Variants in SMPD4 observed in about 807,000 individuals in gnomAD.
The protein encoded by SMPD4 is neutral sphingomyelinase 3.
A neutral mutation model predicts 97.8 loss-of-function variants in SMPD4; 58 were observed. The observed-to-expected ratio is 0.59, with a 90% CI of 0.48 to 0.74. The LOEUF (loss-of-function observed/expected upper bound fraction) is 0.74. Ranked by LOEUF, SMPD4 falls within the 30% of genes least tolerant of loss-of-function variation. The pLI, the probability that SMPD4 is intolerant of heterozygous loss-of-function variation, is 0.00. For synonymous variants in SMPD4, 388 were observed against 450.0 expected (o/e 0.86, Z 1.74); for missense variants, 853 against 1,080.5 (o/e 0.79, Z 2.95).
Position 130,154,518 on chromosome 2 carries a change from C to T in SMPD4, c.1454-36G>A, listed in dbSNP as rs373006487. 1.7e-5 allele frequency: 26 copies of T among 1,551,026 alleles called. No homozygotes were observed. The African/African-American group carries it at 2.1e-4, about 12-fold the overall frequency. On this transcript the variant is annotated intron_variant, in intron 15 of 19. Transcript: ENST00000680298. ...GGAGACGAACCTGGCACCCACTTCC[C>T]GGAGGCAGAGTACCCGACTGCTGCC...
intron 1 of SMPD4, among the ~76,000 whole-genome samples, chr2:130,179,122 CTT>C (rs772317420): frequency 2.8e-4 from 38 of 133,792 alleles, no homozygotes; most frequent in African/African-American, 4.7e-4. Flanking sequence ...TTTTTCAATT[CTT>C]TTTTTTTTTT....
At chr2:130,175,502 T>A (rs1304428496) in intron 2 of SMPD4, among the ~76,000 whole-genome samples, 2 of 152,056 alleles carry the variant, frequency 1.3e-5, no homozygotes, top group African/African-American at 4.8e-5. Flanking sequence ...AGCTGTCCTT[T>A]ATTCGGTAGA....
rs1688982188 is a variant in SMPD4, at chr2:130,176,403, C to T, written c.39+151G>A. Reference sequence around the variant, plus strand: ...AAGGTCCTGTAGTAATAAGGAGGCACAGTCAAGTTAAGGAGTCTGCCATTG... The same window carrying T: ...AAGGTCCTGTAGTAATAAGGAGGCATAGTCAAGTTAAGGAGTCTGCCATTG... On this transcript the variant is annotated intron_variant, in intron 2 of 19. Coordinates refer to ENST00000680298, the MANE Select transcript of SMPD4 (RefSeq NM_017951.5). 3 of 586,516 alleles carry T rather than the reference C, an allele frequency of 5.1e-6. No individual in the cohort carries two copies. In the South Asian group the frequency reaches 7.7e-5, roughly 15 times the overall value. 36.3% of individuals were successfully genotyped at this position (586,516 alleles called of 1,614,324 possible). A position where few individuals can be genotyped will look rare whatever the true frequency, so the allele number is the denominator to read the frequency against.
Position 130,152,378 on chromosome 2 carries a change from C to A in SMPD4, c.*177G>T. The A allele has an allele frequency of 2.9e-6, 2 of 693,654 alleles. No homozygotes were observed. Among genetic ancestry groups the A allele is most frequent in the South Asian group, 3.9e-5 (2 of 50,696 alleles). 43.0% of individuals were successfully genotyped at this position (693,654 alleles called of 1,614,324 possible). On this transcript the variant is annotated 3_prime_UTR_variant, in exon 20 of 20. Transcript: ENST00000680298. ...GCAGCTACTCCTTTGCTGGGGCCCA[C>A]CTGCCTTCCTTTCTTGGTTGCGTTT...
At chr2:130,169,722 AT>A (rs934217943) in intron 8 of SMPD4, among the ~76,000 whole-genome samples, 66 of 149,626 alleles carry the variant, frequency 4.4e-4, no homozygotes, top group South Asian at 1.1e-3. Flanking sequence ...TACTTGGCTA[AT>A]TTTTTTTTTG....
chr2:130,170,980 G>A (rs1010170828), intron 8 of SMPD4, among the ~76,000 whole-genome samples: 6 of 151,866 alleles, frequency 4.0e-5, no homozygotes, highest in African/African-American at 1.5e-4. Flanking sequence ...AGAATCACTT[G>A]AACCCAGGAG....
rs1352115344 is a variant in SMPD4 at position 130,152,620 on chromosome 2, C to T, written c.2419G>A (p.Gly807Ser). 2 of 1,554,530 alleles carry T rather than the reference C, an allele frequency of 1.3e-6. No homozygotes were observed. The highest frequency in any genetic ancestry group is 2.4e-5 in the East Asian group (1 of 41,348). Residue 807 changes from glycine to serine, a missense_variant, in exon 20 of 20, where the codon GGC becomes AGC. Gly to Ser is a moderately conservative substitution (Grantham distance 56). Transcript: ENST00000680298. Reference sequence around the variant, plus strand: ...ATGGCAGAGGCGTAGAGGACATAGCCCAGGGTGAGCAGCAGCGTGCATGGG... The same window carrying T: ...ATGGCAGAGGCGTAGAGGACATAGCTCAGGGTGAGCAGCAGCGTGCATGGG... Reference protein sequence around the residue: ...PLPCTLLLTLGYVLYASAMTL... With the variant: ...PLPCTLLLTLSYVLYASAMTL...
In SMPD4 at chr2:130,152,799, G is replaced by C; in HGVS notation, c.2240C>G (p.Ala747Gly). 1 of 1,609,818 alleles carries C rather than the reference G, an allele frequency of 6.2e-7. No homozygotes were observed. Among genetic ancestry groups the C allele is most frequent in the South Asian group, 1.1e-5 (1 of 90,800 alleles). The part of the protein sequence containing the change: ...CRYHLTEPGL[A>G]SRHLLSPVGR... Reference sequence around the variant, plus strand: ...CACAGGGCTCAGCAGGTGCCTGCTGGCCAGCCCAGGTTCTGTGAGGTGGTA... The same window carrying C: ...CACAGGGCTCAGCAGGTGCCTGCTGCCCAGCCCAGGTTCTGTGAGGTGGTA... The change falls in exon 20 of 20, where the codon GCC (alanine) becomes GGC (glycine). Residue 747 changes from alanine to glycine, a missense_variant. Around this residue, in one of 3 missense-constraint regions of SMPD4, gnomAD observed 511 missense variants for 608.1 expected, o/e 0.84. Transcript: ENST00000680298.
At chr2:130,154,580 G>C in intron 15 of SMPD4, 98 bp from the exon 16 acceptor site, 1 of 1,518,260 alleles carries the variant, frequency 6.6e-7, no homozygotes, top group Non-Finnish European at 8.9e-7. Context: ...TGTCTGGGGA[G>C]CCATGACCCA....
rs1376867067 is a variant in SMPD4 at position 130,161,380 on chromosome 2, A to G, written c.865-108T>C. ...CCAGACACGGGAGGGGGAAGCGGAG[A>G]GAGAAAGAAAGCAATGAGAACGAGC... On this transcript the variant is annotated intron_variant, in intron 10 of 19. Transcript: ENST00000680298. The G allele has an allele frequency of 8.7e-6, 7 of 809,154 alleles. No individual in the cohort carries two copies. The East Asian group carries it at 1.3e-4, about 15-fold the overall frequency. The allele number at this position is 809,154 out of a possible 1,614,324, so 50.1% of individuals were successfully genotyped here. A position where few individuals can be genotyped will look rare whatever the true frequency, so the allele number is the denominator to read the frequency against.
At chr2:130,160,249 G>C (rs1687258744) in intron 11 of SMPD4, among the ~76,000 whole-genome samples, 1 of 152,192 alleles carries the variant, frequency 6.6e-6, no homozygotes, top group East Asian at 1.9e-4. Flanking sequence ...CCTCTCCTCT[G>C]CAGTGGCTCC....
chr2:130,181,227 T>A, intron 1 of SMPD4: 1 of 1,246,736 alleles, frequency 8.0e-7, no homozygotes, highest in Middle Eastern at 3.2e-4. Flanking sequence ...AGCCCAAGGC[T>A]CAACTTCAAC....
Position 130,155,119 on chromosome 2 carries a change from T to G in SMPD4, c.1430A>C (p.Asn477Thr). Residue 477 changes from asparagine (N) to threonine (T), a missense_variant, in exon 15 of 20, where the codon AAC (asparagine) becomes ACC (threonine). This residue lies in a region of SMPD4 where 511 missense variants were observed against 608.1 expected (regional missense o/e 0.84). Coordinates refer to ENST00000680298, the MANE Select transcript of SMPD4 (RefSeq NM_017951.5). ...ACCTTTCTGAATCATCTCAGCCAGG[T>G]TGGGCTGGGCAAAGACTTTGGCCAC... ...FRVAKVFAQP[N>T]LAEMIQKGEQ... 6.2e-7 allele frequency: 1 copy of G among 1,614,144 alleles called. No homozygotes were observed. Among genetic ancestry groups the G allele is most frequent in the South Asian group, 1.1e-5 (1 of 91,088 alleles).
chr2:130,155,725 G>A (rs1352135215), intron 14 of SMPD4, among the ~76,000 whole-genome samples: 1 of 152,088 alleles, frequency 6.6e-6, no homozygotes, highest in African/African-American at 2.4e-5. Context: ...GCTCTGTTCT[G>A]TGCTGATGAA....
intron 11 of SMPD4, among the ~76,000 whole-genome samples, chr2:130,159,191 C>T (rs1210013921): frequency 2.6e-5 from 4 of 152,206 alleles, no homozygotes; most frequent in Middle Eastern, 3.4e-3. Context: ...ACAGGGGTTT[C>T]GCCATGTTGC....
chr2:130,154,552 T>A (rs1175669453), intron 15 of SMPD4, 70 bp from the exon 16 acceptor site: 4 of 1,547,718 alleles, frequency 2.6e-6, no homozygotes, highest in Non-Finnish European at 3.5e-6. Context: ...CCCTTAGGAT[T>A]CTGGGGTGTC....
chr2:130,176,524 C>A (rs1315546808), intron 2 of SMPD4, 30 bp downstream of exon 2: 12 of 1,578,024 alleles, frequency 7.6e-6, no homozygotes, highest in Admixed American at 5.2e-5. Flanking sequence ...TATGGCCACA[C>A]TGACACTCAT....
intron 11 of SMPD4, chr2:130,159,629 C>T (rs950993447): frequency 1.4e-5 from 2 of 147,168 alleles, no homozygotes; most frequent in Non-Finnish European, 3.0e-5. Flanking sequence ...CGGAGTGAGA[C>T]TCCATCTCAA....
In SMPD4 at chr2:130,167,570, G is replaced by C; in HGVS notation, c.680C>G (p.Ala227Gly). ...GCTAGTGTGGTGGAGGCCATAGGAAGCAAAGGGTATGGCTGGTGTCCTGAG... is the reference window on the plus strand; with the variant it reads ...GCTAGTGTGGTGGAGGCCATAGGAACCAAAGGGTATGGCTGGTGTCCTGAG... ...PPPRTPAIPFASYGLHHTSLL... is the reference protein window; with the variant it reads ...PPPRTPAIPFGSYGLHHTSLL... The change falls in exon 9 of 20, where the codon GCT (alanine) becomes GGT (glycine). Residue 227 changes from alanine (A) to glycine (G), a missense_variant. Coordinates refer to ENST00000680298, the MANE Select transcript of SMPD4 (RefSeq NM_017951.5). The C allele has an allele frequency of 6.2e-7, 1 of 1,612,484 alleles. No homozygotes were observed. Among genetic ancestry groups the C allele is most frequent in the Non-Finnish European group, 8.5e-7 (1 of 1,178,940 alleles).
Sources: gnomAD v4.1 joint callset for allele counts (sites outside exome capture counted in the v4.1 genomes callset) on GRCh38, gnomAD v4.1.1 for gene constraint, gnomAD v4.1.1 regional missense constraint, MANE v1.5 for transcripts, NCBI Gene and HGNC (gene_info 2026-07-23, HGNC 2026-07-21) for gene names.